The following ZNF365 variants were observed in gnomAD, a reference collection of about 807,000 sequenced individuals.
ZNF365 encodes zinc finger protein 365, also known as protein ZNF365.
ZNF365 carries 22 observed loss-of-function variants against 35.0 expected under a neutral mutation model. The observed-to-expected ratio is 0.63, with a 90% CI of 0.45 to 0.90. ZNF365 has a LOEUF of 0.90. Among genes scored for constraint, ZNF365 ranks in the 40% least tolerant of loss-of-function variants. ZNF365 has a pLI of 0.00. For synonymous variants in ZNF365, 188 were observed against 196.2 expected (o/e 0.96, Z 0.35); for missense variants, 448 against 500.3 (o/e 0.90, Z 1.00).
intron 2 of ZNF365, among the ~76,000 whole-genome samples, chr10:62,380,989 TG>T (rs1250567148): frequency 2.6e-5 from 4 of 152,022 alleles, no homozygotes; most frequent in Admixed American, 2.0e-4. Context: ...GTGAGGTGTG[TG>T]GGGGGGAACA....
At chr10:62,443,431 C>A (rs186220953) in intron 3 of ZNF365, among the ~76,000 whole-genome samples, 1 of 152,144 alleles carries the variant, frequency 6.6e-6, no homozygotes, top group South Asian at 2.1e-4. Flanking sequence ...CCTTCCTTCT[C>A]GGGTTCCTCT....
At chr10:62,379,084 A>G (rs1839385927) in intron 2 of ZNF365, among the ~76,000 whole-genome samples, 2 of 146,830 alleles carry the variant, frequency 1.4e-5, no homozygotes, top group South Asian at 4.3e-4. Flanking sequence ...GTGCAATGGC[A>G]TGACGTCAGC....
intron 2 of ZNF365, among the ~76,000 whole-genome samples, chr10:62,382,748 A>G (rs1839461784): frequency 6.6e-6 from 1 of 152,130 alleles, no homozygotes; most frequent in African/African-American, 2.4e-5. Flanking sequence ...GTTTGCAGCC[A>G]AGCTCCCTGT....
chr10:62,442,185 T>A (rs778093934), intron 3 of ZNF365, among the ~76,000 whole-genome samples: 1 of 152,174 alleles, frequency 6.6e-6, no homozygotes, highest in Non-Finnish European at 1.5e-5. Flanking sequence ...GATCTTTAAA[T>A]AGCAAGGAAC....
At chr10:62,419,877 A>G (rs1840138817) in intron 3 of ZNF365, among the ~76,000 whole-genome samples, 4 of 152,120 alleles carry the variant, frequency 2.6e-5, no homozygotes, top group Admixed American at 2.6e-4. Flanking sequence ...TTAATGTTTT[A>G]TCATTGAGTA....
At chr10:62,462,606 A>G (rs1840865898) in intron 4 of ZNF365, among the ~76,000 whole-genome samples, 1 of 152,220 alleles carries the variant, frequency 6.6e-6, no homozygotes, top group Admixed American at 6.5e-5. Flanking sequence ...ATGACAAAAT[A>G]CTAGAGTAGT....
chr10:62,451,181 T>C (rs1840678735), intron 3 of ZNF365, among the ~76,000 whole-genome samples: 1 of 152,232 alleles, frequency 6.6e-6, no homozygotes, highest in Non-Finnish European at 1.5e-5. Context: ...TCACTTCTTT[T>C]GCCTGTGATT....
intron 3 of ZNF365, among the ~76,000 whole-genome samples, chr10:62,435,193 G>A (rs1840389007): frequency 6.6e-6 from 1 of 152,174 alleles, no homozygotes; most frequent in South Asian, 2.1e-4. Context: ...ATTTAGACAT[G>A]ATCTTCTTCA....
intron 3 of ZNF365, among the ~76,000 whole-genome samples, chr10:62,423,988 G>A (rs1840213740): frequency 6.6e-6 from 1 of 152,144 alleles, no homozygotes; most frequent in African/African-American, 2.4e-5. Context: ...CTGATGGAAG[G>A]AAAGAATTGT....
chr10:62,449,470 T>C (rs191661481), intron 3 of ZNF365, among the ~76,000 whole-genome samples: 1 of 152,356 alleles, frequency 6.6e-6, no homozygotes, highest in African/African-American at 2.4e-5. Context: ...TTTTATATTT[T>C]ACAATACAAA....
At chr10:62,382,614 A>T (rs1034536644) in intron 2 of ZNF365, among the ~76,000 whole-genome samples, 3 of 152,108 alleles carry the variant, frequency 2.0e-5, no homozygotes, top group African/African-American at 7.2e-5. Flanking sequence ...GAATAGTTTG[A>T]TTTTCTCATT....
At chr10:62,379,236 C>G (rs1049063433) in intron 2 of ZNF365, among the ~76,000 whole-genome samples, 2 of 152,060 alleles carry the variant, frequency 1.3e-5, no homozygotes, top group African/African-American at 2.4e-5. Context: ...GTTGGCCAGG[C>G]TGGTCTCGAA....
At chr10:62,471,573 A>C (rs1187651172) in intron 4 of ZNF365, among the ~76,000 whole-genome samples, 1 of 152,168 alleles carries the variant, frequency 6.6e-6, no homozygotes, top group Non-Finnish European at 1.5e-5. Flanking sequence ...TATTTTAAAA[A>C]TTTTAAATTG....
intron 3 of ZNF365, among the ~76,000 whole-genome samples, chr10:62,424,961 C>T (rs1336705659): frequency 6.6e-6 from 1 of 152,086 alleles, no homozygotes; most frequent in African/African-American, 2.4e-5. Context: ...TGTTGGCATC[C>T]GAGAATGCAG....
At chr10:62,389,509 T>C (rs1479504520) in intron 3 of ZNF365, among the ~76,000 whole-genome samples, 2 of 152,050 alleles carry the variant, frequency 1.3e-5, no homozygotes, top group South Asian at 4.1e-4. Flanking sequence ...ATAGGCAACA[T>C]TTATGCCGAT....
chr10:62,435,785 A>G (rs1330848428), intron 3 of ZNF365, among the ~76,000 whole-genome samples: 2 of 152,238 alleles, frequency 1.3e-5, no homozygotes, highest in African/African-American at 2.4e-5. Flanking sequence ...ACAAGAAAAC[A>G]AACTCATTTC....
At chr10:62,428,574 A>G (rs1457294118) in intron 3 of ZNF365, among the ~76,000 whole-genome samples, 2 of 152,232 alleles carry the variant, frequency 1.3e-5, no homozygotes, top group East Asian at 3.9e-4. Flanking sequence ...AGTCAATTAA[A>G]CCTCTTTTCT....
Position 62,402,332 on chromosome 10 carries a change from TG to T in ZNF365, c.*2544del, listed in dbSNP as rs1248214140. On this transcript the variant is annotated 3_prime_UTR_variant, in exon 5 of 5. Coordinates refer to ENST00000395254, the MANE Select transcript of ZNF365 (RefSeq NM_014951.3). ...TGCAAGGTTCAAGTTGCTTAGACAT[TG>T]TTTTCCAGTATTCTGCAGGGCCAGT... 1.0e-6 allele frequency: 1 copy of T among 985,492 alleles called. No individual in the cohort carries two copies. The highest frequency in any genetic ancestry group is 6.2e-5 in the Admixed American group (1 of 16,258). The allele number at this position is 985,492 out of a possible 1,614,324, so 61.0% of individuals were successfully genotyped here.
chr10:62,383,389 TG>T (rs1244721791), intron 2 of ZNF365, among the ~76,000 whole-genome samples: 1 of 152,190 alleles, frequency 6.6e-6, no homozygotes, highest in Non-Finnish European at 1.5e-5. Flanking sequence ...GAATACTCCC[TG>T]GCAAGAGAGT....
Sources: gnomAD v4.1 joint callset for allele counts (sites outside exome capture counted in the v4.1 genomes callset) on GRCh38, gnomAD v4.1.1 for gene constraint, MANE v1.5 for transcripts, NCBI Gene and HGNC (gene_info 2026-07-23, HGNC 2026-07-21) for gene names.